The following ARL13B variants were observed in gnomAD, a reference collection of about 807,000 sequenced individuals.
ARL13B encodes the protein ADP-ribosylation factor-like protein 13B.
A neutral mutation model predicts 56.1 loss-of-function variants in ARL13B; 36 were observed. That is an observed-to-expected ratio of 0.64 (90% CI 0.49 to 0.85). The LOEUF (loss-of-function observed/expected upper bound fraction) is 0.85. Among genes scored for constraint, ARL13B ranks in the 40% least tolerant of loss-of-function variants. The pLI is 0.00. For missense variants in ARL13B, 519 were observed against 507.1 expected, an observed-to-expected ratio of 1.02 and a Z score of -0.23; for synonymous variants, 178 against 171.1, an observed-to-expected ratio of 1.04 and a Z score of -0.32.
chr3:94,015,054 C>T (rs1199922929), intron 3 of ARL13B: 1 of 1,613,976 alleles, frequency 6.2e-7, no homozygotes, highest in Admixed American at 1.7e-5. Flanking sequence ...TCTGTTGCTG[C>T]CCAAATTTTT....
In ARL13B at chr3:94,046,282, C is replaced by G. The variant is rs540063714; in HGVS notation, c.1024+3042C>G. Among the ~76,000 whole-genome samples the G allele has an allele frequency of 7.9e-5, 12 of 152,284 alleles. No homozygotes were observed. The South Asian group carries it at 2.5e-3, about 32-fold the overall frequency. The stretch of plus-strand genomic sequence containing the variant: ...TTAGTAATCCCTTCTTTCCTCCCCT[C>G]TCTACTTCTCCACCTCATCTCCTGG... On this transcript the variant is annotated intron_variant, in intron 7 of 9. Transcript: ENST00000394222.
At chr3:94,009,074 A>AAGAAAGAT (rs538656555) in intron 3 of ARL13B, among the ~76,000 whole-genome samples, 3 of 143,868 alleles carry the variant, frequency 2.1e-5, no homozygotes, top group African/African-American at 7.8e-5. Context: ...AGGAGCAGTA[A>AAGAAAGAT]AGATAGATAG....
rs747940414 is a variant in ARL13B, at chr3:94,049,498, A to G, written c.1117A>G (p.Thr373Ala). Residue 373 changes from threonine (T) to alanine (A), a missense_variant, in exon 8 of 10, where the codon ACG becomes GCG. Thr to Ala is a moderately conservative substitution (Grantham distance 58, BLOSUM62 0). Coordinates refer to ENST00000394222, the MANE Select transcript of ARL13B (RefSeq NM_001174150.2). ...NIDDCAPESPTPPPPPPPVGW... is the reference protein window; with the variant it reads ...NIDDCAPESPAPPPPPPPVGW... ...AGATGACTGTGCTCCTGAGAGTCCA[A>G]CGCCACCCCCACCCCCTCCTCCTGG... The G allele has an allele frequency of 3.7e-6, 6 of 1,609,848 alleles. No individual in the cohort carries two copies. Among genetic ancestry groups the G allele is most frequent in the African/African-American group, 1.3e-5 (1 of 74,792 alleles).
intron 9 of ARL13B, among the ~76,000 whole-genome samples, chr3:94,051,169 T>C (rs1232667873): frequency 6.6e-6 from 1 of 152,108 alleles, no homozygotes; most frequent in East Asian, 1.9e-4. Context: ...TACAAGGAGT[T>C]ATAATAAAAA....
chr3:94,012,686 T>G (rs563942799), intron 3 of ARL13B, among the ~76,000 whole-genome samples: 2 of 152,298 alleles, frequency 1.3e-5, no homozygotes, highest in South Asian at 4.1e-4. Context: ...GAACAATGAG[T>G]AGGACATTGC....
chr3:94,004,319 C>T (rs1210616353), intron 3 of ARL13B, among the ~76,000 whole-genome samples: 1 of 151,822 alleles, frequency 6.6e-6, no homozygotes, highest in African/African-American at 2.4e-5. Context: ...GTTTATTTTT[C>T]TAATACCACA....
intron 1 of ARL13B, among the ~76,000 whole-genome samples, chr3:93,985,029 C>G (rs1710382395): frequency 6.6e-6 from 1 of 151,540 alleles, no homozygotes; most frequent in African/African-American, 2.4e-5. Flanking sequence ...ATCAATCAAT[C>G]AATCAATAAG....
intron 3 of ARL13B, among the ~76,000 whole-genome samples, chr3:94,008,559 G>C (rs2076170692): frequency 6.6e-6 from 1 of 152,078 alleles, no homozygotes; most frequent in South Asian, 2.1e-4. Context: ...TGAGCTGCGA[G>C]GTATTTTAAA....
intron 3 of ARL13B, among the ~76,000 whole-genome samples, chr3:94,019,303 T>C (rs1179348568): frequency 1.3e-5 from 2 of 151,972 alleles, no homozygotes; most frequent in East Asian, 3.9e-4. Flanking sequence ...TTCAATCGAT[T>C]CTTCTGCCTC....
chr3:94,029,072 T>C (rs2107066648), intron 3 of ARL13B, among the ~76,000 whole-genome samples: 1 of 151,668 alleles, frequency 6.6e-6, no homozygotes, highest in South Asian at 2.1e-4. Flanking sequence ...CTGCTGTTTT[T>C]ATTTTAAAAT....
rs2107001452 is a variant in ARL13B at position 94,021,220 on chromosome 3, G to T, written c.381-14111G>T. Among the ~76,000 whole-genome samples the T allele has an allele frequency of 2.0e-5, 3 of 150,104 alleles. No homozygotes were observed. The South Asian group carries it at 6.3e-4, about 32-fold the overall frequency. ...TATATAATTTTTTTTTTGAGACAGG[G>T]TCTCGCTCTGTTACCCAGGCTGGAG... On this transcript the variant is annotated intron_variant, in intron 3 of 9. Coordinates refer to ENST00000394222, the MANE Select transcript of ARL13B (RefSeq NM_001174150.2).
intron 3 of ARL13B, among the ~76,000 whole-genome samples, chr3:94,033,384 T>A (rs537965673): frequency 7.0e-6 from 1 of 143,838 alleles, no homozygotes; most frequent in South Asian, 2.1e-4. Context: ...TTTATAGGAT[T>A]TTTTTTTTTT....
chr3:94,017,162 A>G (rs2076350997), intron 3 of ARL13B, among the ~76,000 whole-genome samples: 1 of 152,200 alleles, frequency 6.6e-6, no homozygotes, highest in South Asian at 2.1e-4. Context: ...GGAAAACCAT[A>G]CCAAATGGAG....
chr3:94,000,164 G>A (rs1328549396), intron 2 of ARL13B, among the ~76,000 whole-genome samples: 1 of 152,182 alleles, frequency 6.6e-6, no homozygotes, highest in Non-Finnish European at 1.5e-5. Context: ...AGCCGATTAT[G>A]CATATCTCTT....
Position 93,980,278 on chromosome 3 carries a change from C to A in ARL13B, c.-146C>A, listed in dbSNP as rs1256738931. On this transcript the variant is annotated 5_prime_UTR_variant, in exon 1 of 10. Coordinates refer to ENST00000394222, the MANE Select transcript of ARL13B (RefSeq NM_001174150.2). The stretch of plus-strand genomic sequence containing the variant: ...CGGTTAGCAAGGCTTAGTGCTCGGG[C>A]CGGCCGCCTTCACTTCCCTCCCGGC... 1.9e-6 allele frequency: 2 copies of A among 1,052,012 alleles called. No individual in the cohort carries two copies. Among genetic ancestry groups the A allele is most frequent in the East Asian group, 2.5e-5 (1 of 39,406 alleles). The allele number at this position is 1,052,012 out of a possible 1,614,324, so 65.2% of individuals were successfully genotyped here.
chr3:94,008,704 C>G (rs1301810684), intron 3 of ARL13B, among the ~76,000 whole-genome samples: 1 of 152,062 alleles, frequency 6.6e-6, no homozygotes, highest in Non-Finnish European at 1.5e-5. Flanking sequence ...AATAAATTAC[C>G]CCTTCTTTTT....
At chr3:93,981,406 GC>G (rs1426574425) in intron 1 of ARL13B, among the ~76,000 whole-genome samples, 4 of 151,186 alleles carry the variant, frequency 2.6e-5, no homozygotes, top group Non-Finnish European at 4.4e-5. Flanking sequence ...AAGTATATTT[GC>G]CATGAGAATG....
chr3:94,044,213 G>A (rs2076931114), intron 7 of ARL13B, among the ~76,000 whole-genome samples: 1 of 150,228 alleles, frequency 6.7e-6, no homozygotes, highest in African/African-American at 2.5e-5. Flanking sequence ...GAAGTGAGGA[G>A]TGTCTCTGCC....
chr3:93,987,574 G>A (rs747383708), intron 1 of ARL13B, among the ~76,000 whole-genome samples: 10 of 151,686 alleles, frequency 6.6e-5, no homozygotes, highest in Non-Finnish European at 1.5e-4. Flanking sequence ...TTTATTTGTC[G>A]TGTTGAGAAT....
Sources: allele counts gnomAD v4.1 joint callset (sites outside exome capture counted in the v4.1 genomes callset), GRCh38; gene constraint gnomAD v4.1.1; transcripts MANE v1.5; gene names NCBI Gene and HGNC (gene_info 2026-07-23, HGNC 2026-07-21).